The following RC3H2 variants were observed in gnomAD, a reference collection of about 807,000 sequenced individuals.
RC3H2 encodes ring finger and CCCH-type domains 2.
RC3H2 carries 31 observed loss-of-function variants against 133.3 expected under a neutral mutation model. The ratio of observed to expected loss-of-function variants is 0.23; its 90% CI spans 0.17 to 0.31. The LOEUF (loss-of-function observed/expected upper bound fraction) is 0.31, where lower values mean the gene tolerates loss of function less well. Ranked by LOEUF, RC3H2 falls within the 10% of genes least tolerant of loss-of-function variation. RC3H2 has a pLI of 1.00. For synonymous variants in RC3H2, 517 were observed against 502.2 expected (o/e 1.03, Z -0.40); for missense variants, 1,175 against 1,437.2 (o/e 0.82, Z 2.95).
intron 5 of RC3H2, among the ~76,000 whole-genome samples, chr9:122,882,308 G>A (rs1031128705): frequency 6.6e-6 from 1 of 152,192 alleles, no homozygotes; most frequent in African/African-American, 2.4e-5. Flanking sequence ...GAGGCAGCTA[G>A]TGTCCAAGCC....
intron 2 of RC3H2, among the ~76,000 whole-genome samples, chr9:122,894,608 G>A (rs1311857183): frequency 6.6e-5 from 10 of 152,052 alleles, no homozygotes; most frequent in East Asian, 5.8e-4. Context: ...GGCTGGGCAC[G>A]GTTGCTCACG....
chr9:122,850,970 G>A, intron 20 of RC3H2, 111 bp downstream of exon 20: 2 of 1,092,840 alleles, frequency 1.8e-6, no homozygotes, highest in Middle Eastern at 4.1e-4. Context: ...CCAAATCATT[G>A]CCCATATAAG....
intron 5 of RC3H2, 88 bp downstream of exon 5, chr9:122,883,116 G>A: frequency 8.1e-7 from 1 of 1,234,284 alleles, no homozygotes; most frequent in South Asian, 1.4e-5. Flanking sequence ...ATTCTGCATT[G>A]CTAGGGCCTC....
chr9:122,855,116 T>TAATA, intron 15 of RC3H2, 68 bp downstream of exon 15: 1 of 944,394 alleles, frequency 1.1e-6, no homozygotes, highest in Non-Finnish European at 1.6e-6. Flanking sequence ...CTGTCTCAAT[T>TAATA]AAAAAAAAAA....
chr9:122,862,437 G>C (rs955092567), intron 10 of RC3H2, among the ~76,000 whole-genome samples: 1 of 152,052 alleles, frequency 6.6e-6, no homozygotes, highest in Admixed American at 6.6e-5. Flanking sequence ...CCATCCACAA[G>C]GCCCTTCCTT....
intron 9 of RC3H2, among the ~76,000 whole-genome samples, chr9:122,876,354 G>A (rs1471949809): frequency 6.6e-6 from 1 of 152,142 alleles, no homozygotes; most frequent in Non-Finnish European, 1.5e-5. Context: ...CAGGGCAGGT[G>A]TGGTGGCTCA....
At position 122,859,052 on chromosome 9, in the gene RC3H2, G is replaced by C. The variant is rs1005299061; in HGVS notation, c.1900C>G (p.Pro634Ala). Residue 634 changes from proline (P) to alanine (A), a missense_variant, in exon 12 of 21, where the codon CCT becomes GCT. Pro to Ala is a conservative substitution (Grantham distance 27). Around this residue, in one of 8 missense-constraint regions of RC3H2, gnomAD observed 490 missense variants for 492.8 expected, o/e 0.99. Transcript: ENST00000357244. ...ACGTTATTGGACCTCACAAAGCGAG[G>C]AACACAGGGAGCCACACCAGCTGGT... ...TVPAGVAPCV[P>A]RFVRSNNVPE... The C allele has an allele frequency of 8.7e-6, 14 of 1,608,256 alleles. No homozygotes were observed. The highest frequency in any genetic ancestry group is 1.2e-5 in the Non-Finnish European group (14 of 1,176,126).
intron 9 of RC3H2, among the ~76,000 whole-genome samples, chr9:122,869,714 C>G (rs569566324): frequency 6.6e-6 from 1 of 151,838 alleles, no homozygotes; most frequent in Non-Finnish European, 1.5e-5. Flanking sequence ...TATAGGCGCG[C>G]GCCTGCCAAC....
At chr9:122,870,956 C>T (rs992270342) in intron 9 of RC3H2, among the ~76,000 whole-genome samples, 6 of 152,190 alleles carry the variant, frequency 3.9e-5, no homozygotes, top group Admixed American at 1.3e-4. Flanking sequence ...CATTAATACG[C>T]TTCTTTACTA....
intron 20 of RC3H2, among the ~76,000 whole-genome samples, 180 bp from the exon 21 acceptor site, chr9:122,850,002 A>T (rs1484363965): frequency 6.6e-6 from 1 of 152,228 alleles, no homozygotes; most frequent in Non-Finnish European, 1.5e-5. Flanking sequence ...TTTGAGACAG[A>T]GTCTCCCTCC....
chr9:122,852,525 A>C (rs1830082072), intron 18 of RC3H2, among the ~76,000 whole-genome samples: 2 of 137,382 alleles, frequency 1.5e-5, no homozygotes, highest in African/African-American at 5.6e-5. Context: ...CCCGTCCGGG[A>C]GGGAGGTGGG....
chr9:122,891,507 C>T (rs1032153785), intron 3 of RC3H2, among the ~76,000 whole-genome samples: 6 of 152,222 alleles, frequency 3.9e-5, no homozygotes, highest in Admixed American at 1.3e-4. Context: ...TCCCACATCA[C>T]TTGACCAAAC....
intron 9 of RC3H2, among the ~76,000 whole-genome samples, chr9:122,867,872 C>T (rs1830785900): frequency 1.1e-5 from 1 of 92,928 alleles, no homozygotes; most frequent in Non-Finnish European, 2.3e-5. Flanking sequence ...GCCCGGCAGC[C>T]ACCCCGTCCG....
At position 122,905,298 on chromosome 9, in the gene RC3H2, C is replaced by G. The variant is rs1832803359; in HGVS notation, c.-256G>C. On this transcript the variant is annotated 5_prime_UTR_variant, in exon 1 of 21. Transcript: ENST00000357244. ...AAGGCCGCGACGGGGCCTCCTCCTC[C>G]TCCCTCCACCTCCGCCTCCTCCTCC... The G allele has an allele frequency of 1.0e-6, 1 of 985,494 alleles. No homozygotes were observed. Among genetic ancestry groups the G allele is most frequent in the African/African-American group, 1.7e-5 (1 of 57,252 alleles). The allele number at this position is 985,494 out of a possible 1,614,324, so 61.0% of individuals were successfully genotyped here.
chr9:122,852,757 T>TG (rs1464043288), intron 18 of RC3H2, among the ~76,000 whole-genome samples: 55 of 142,414 alleles, frequency 3.9e-4, no homozygotes, highest in South Asian at 6.8e-4. Context: ...GGGAGGGAGG[T>TG]GGGGGGGTCA....
At chr9:122,883,088 CTCTCAACTCTTGTAAGCA>C in intron 5 of RC3H2, 98 bp downstream of exon 5, 1 of 943,446 alleles carries the variant, frequency 1.1e-6, no homozygotes, top group Non-Finnish European at 1.6e-6. Flanking sequence ...GGAAAGTTTC[CTCTCAACTCTTGTAAGCA>C]TTCTGCATTG....
chr9:122,897,288 A>G lies in RC3H2; in HGVS notation c.222T>C (p.Val74=). Reference sequence around the variant, plus strand: ...AATCTTGAATGCTTACCTGGGCTCCAACTAACTGGAGAAGTGCGAAGTTGA... The same window carrying G: ...AATCTTGAATGCTTACCTGGGCTCCGACTAACTGGAGAAGTGCGAAGTTGA... The part of the protein sequence containing the change: ...LPVNFALLQL[V]GAQVPDHQSI... Residue 74 remains valine, a synonymous_variant, in exon 2 of 21, where the codon GTT becomes GTC. Transcript: ENST00000357244. 1 of 1,614,030 alleles carries G rather than the reference A, an allele frequency of 6.2e-7. No homozygotes were observed. The highest frequency in any genetic ancestry group is 8.5e-7 in the Non-Finnish European group (1 of 1,179,880).
At chr9:122,876,779 A>G (rs1831358421) in intron 9 of RC3H2, among the ~76,000 whole-genome samples, 1 of 152,192 alleles carries the variant, frequency 6.6e-6, no homozygotes, top group Non-Finnish European at 1.5e-5. Context: ...ATTAACTTTT[A>G]GGTCTCGGGT....
At chr9:122,894,833 T>A (rs993460519) in intron 2 of RC3H2, among the ~76,000 whole-genome samples, 2 of 152,072 alleles carry the variant, frequency 1.3e-5, no homozygotes, top group Non-Finnish European at 2.9e-5. Flanking sequence ...TGAGCCGAGA[T>A]TGCGCCACTG....
Sources: allele counts gnomAD v4.1 joint callset (sites outside exome capture counted in the v4.1 genomes callset), GRCh38; gene constraint gnomAD v4.1.1; regional missense constraint gnomAD v4.1.1; transcripts MANE v1.5; gene names NCBI Gene and HGNC (gene_info 2026-07-23, HGNC 2026-07-21).